Variants in ZKSCAN8 observed in about 807,000 individuals in gnomAD.
The protein encoded by ZKSCAN8 is zinc finger with KRAB and SCAN domains 8.
In ZKSCAN8, 27 loss-of-function variants were observed where a neutral mutation model predicts 57.2. The observed-to-expected ratio is 0.47, with a 90% CI of 0.35 to 0.65. ZKSCAN8 has a LOEUF of 0.65. Among genes scored for constraint, ZKSCAN8 ranks in the 30% least tolerant of loss-of-function variants. The probability of loss-of-function intolerance (pLI) is 0.01; values close to 1 mark genes in which losing one functional copy is unlikely to be tolerated. For missense variants in ZKSCAN8, 597 were observed against 696.3 expected (o/e 0.86, Z 1.60); for synonymous variants, 214 against 248.7 (o/e 0.86, Z 1.31).
intron 1 of ZKSCAN8, among the ~76,000 whole-genome samples, chr6:28,143,742 C>A (rs1426435846): frequency 6.6e-6 from 1 of 152,042 alleles, no homozygotes; most frequent in African/African-American, 2.4e-5. Context: ...AATTTATGTC[C>A]CATGTATTGA....
chr6:28,150,027 G>A (rs528250927), intron 3 of ZKSCAN8, among the ~76,000 whole-genome samples: 14 of 75,122 alleles, frequency 1.9e-4, no homozygotes, highest in African/African-American at 8.9e-4. Context: ...TTCCTCAGAC[G>A]AGCATTTCTT....
rs1765658082 is a variant in ZKSCAN8 at position 28,153,230 on chromosome 6, C to T, written c.950C>T (p.Thr317Ile). ...TTAGAGAGGCAGCGGGGAAATCCCA[C>T]ACAAGAGAGACGACATAAATGTGAT... Reference protein sequence around the residue: ...GRLERQRGNPTQERRHKCDEC... With the variant: ...GRLERQRGNPIQERRHKCDEC... The change falls in exon 6 of 6, where the codon ACA (threonine) becomes ATA (isoleucine). Residue 317 changes from threonine to isoleucine, a missense_variant. Physicochemically the swap from Thr to Ile is moderately conservative, Grantham distance 89. Coordinates refer to ENST00000330236, the MANE Select transcript of ZKSCAN8 (RefSeq NM_006298.4). The T allele has an allele frequency of 6.2e-7, 1 of 1,614,086 alleles. No individual in the cohort carries two copies. Among genetic ancestry groups the T allele is most frequent in the Non-Finnish European group, 8.5e-7 (1 of 1,180,038 alleles).
Position 28,151,852 on chromosome 6 carries a change from T to C in ZKSCAN8, c.567T>C (p.Ser189=), listed in dbSNP as rs1167016834. 1.2e-6 allele frequency: 2 copies of C among 1,614,132 alleles called. No homozygotes were observed. The highest frequency in any genetic ancestry group is 1.7e-6 in the Non-Finnish European group (2 of 1,179,944). Residue 189 remains serine (S), a synonymous_variant, in exon 4 of 6, where the codon TCT becomes TCC. Coordinates refer to ENST00000330236, the MANE Select transcript of ZKSCAN8 (RefSeq NM_006298.4). Reference sequence around the variant, plus strand: ...GCTCCTTTCTCCTCTCAGCCATGTCTACTTCCCAGAGTCCTACTCGTTCCC... The same window carrying C: ...GCTCCTTTCTCCTCTCAGCCATGTCCACTTCCCAGAGTCCTACTCGTTCCC... ...VPQESQERAM[S]TSQSPTRSQK... is the part of the protein sequence containing the mutation.
chr6:28,149,022 C>T (rs1287548858), intron 2 of ZKSCAN8, among the ~76,000 whole-genome samples, 198 bp downstream of exon 2: 1 of 152,142 alleles, frequency 6.6e-6, no homozygotes, highest in Non-Finnish European at 1.5e-5. Context: ...TTTTTGTCGT[C>T]ATAACATCCC....
In ZKSCAN8 at chr6:28,158,134, C is replaced by G. The variant is rs886816253; in HGVS notation, c.*4117C>G. 2 of 151,654 alleles carry G rather than the reference C, an allele frequency of 1.3e-5. No individual in the cohort carries two copies. The highest frequency in any genetic ancestry group is 6.6e-5 in the Admixed American group (1 of 15,202). The allele number at this position is 151,654 out of a possible 1,614,324, so 9.4% of individuals were successfully genotyped here. ...GCCTTTTTTTATTATTATTTCTTGT[C>G]TTTTTTGATCTAATTTATATTTTAT... On this transcript the variant is annotated 3_prime_UTR_variant, in exon 6 of 6. Transcript: ENST00000330236.
At position 28,150,832 on chromosome 6, in the gene ZKSCAN8, A is replaced by G. The variant is rs373666193; in HGVS notation, c.560-1013A>G. 1.6e-4 allele frequency among the ~76,000 whole-genome samples: 24 copies of G among 152,204 alleles called. No individual in the cohort carries two copies. In the South Asian group the frequency reaches 1.9e-3, roughly 12 times the overall value. On this transcript the variant is annotated intron_variant, in intron 3 of 5. Coordinates refer to ENST00000330236, the MANE Select transcript of ZKSCAN8 (RefSeq NM_006298.4). ...TGTTTTTGTTTTGTCTTTGAGACAG[A>G]GTCTCACTCTGTCATCCAGGCTGGA...
chr6:28,148,971 A>G (rs2113585119), intron 2 of ZKSCAN8, 147 bp downstream of exon 2: 2 of 962,444 alleles, frequency 2.1e-6, no homozygotes, highest in East Asian at 2.6e-5. Context: ...TATGACTTGT[A>G]GAGTTCTTTT....
At position 28,159,196 on chromosome 6, in the gene ZKSCAN8, C is replaced by T. The variant is rs1437369673; in HGVS notation, c.*5179C>T. 3 of 152,250 alleles carry T rather than the reference C, an allele frequency of 2.0e-5. No individual in the cohort carries two copies. The highest frequency in any genetic ancestry group is 7.2e-5 in the African/African-American group (3 of 41,454). 9.4% of individuals were successfully genotyped at this position (152,250 alleles called of 1,614,324 possible). A position where few individuals can be genotyped will look rare whatever the true frequency, so the allele number is the denominator to read the frequency against. ...GAGCTCTCCCTGATTGACATCACCT[C>T]ATGCGATGACCTCCCTCATTCTGTG... On this transcript the variant is annotated 3_prime_UTR_variant, in exon 6 of 6. Coordinates refer to ENST00000330236, the MANE Select transcript of ZKSCAN8 (RefSeq NM_006298.4).
rs1765489455 is a variant in ZKSCAN8 at position 28,148,727 on chromosome 6, T to C, written c.320T>C (p.Leu107Pro). The C allele has an allele frequency of 1.2e-6, 2 of 1,614,018 alleles. No homozygotes were observed. The highest frequency in any genetic ancestry group is 1.1e-5 in the South Asian group (1 of 91,088). ...EQFLTILPEE[L>P]QTLVKEHQLE... ...TTCTTGACCATCCTACCTGAGGAGC[T>C]CCAGACACTGGTTAAGGAACATCAG... The change falls in exon 2 of 6, where the codon CTC becomes CCC. Residue 107 changes from leucine (L) to proline (P), a missense_variant. Transcript: ENST00000330236.
chr6:28,150,722 T>C (rs1226780679), intron 3 of ZKSCAN8, among the ~76,000 whole-genome samples: 4 of 152,200 alleles, frequency 2.6e-5, no homozygotes, highest in South Asian at 4.1e-4. Flanking sequence ...GAGTGCTCCC[T>C]TCTCCCAATT....
Position 28,154,141 on chromosome 6 carries a change from G to A in ZKSCAN8, c.*124G>A. ...AACTTTAGTGTCAGAATCTATAGTG[G>A]TGGCAAAGTTAGGATAGCTCTTTAG... On this transcript the variant is annotated 3_prime_UTR_variant, in exon 6 of 6. Transcript: ENST00000330236. The A allele has an allele frequency of 7.1e-7, 1 of 1,411,704 alleles. No homozygotes were observed. Among genetic ancestry groups the A allele is most frequent in the South Asian group, 1.5e-5 (1 of 68,178 alleles). 87.4% of individuals were successfully genotyped at this position (1,411,704 alleles called of 1,614,324 possible).
In ZKSCAN8 at chr6:28,153,119, A is replaced by G; in HGVS notation, c.839A>G (p.Gln280Arg). ...ASKQVISTGIQPHGETAAKCN... is the reference protein window; with the variant it reads ...ASKQVISTGIRPHGETAAKCN... ...AAACAGGTAATATCTACTGGAATCCAGCCACATGGAGAGACAGCTGCCAAA... is the reference window on the plus strand; with the variant it reads ...AAACAGGTAATATCTACTGGAATCCGGCCACATGGAGAGACAGCTGCCAAA... The change falls in exon 6 of 6, where the codon CAG becomes CGG. Residue 280 changes from glutamine to arginine, a missense_variant. Gln to Arg is a conservative substitution (Grantham distance 43). Transcript: ENST00000330236. 2 of 1,614,232 alleles carry G rather than the reference A, an allele frequency of 1.2e-6. No individual in the cohort carries two copies. Among genetic ancestry groups the G allele is most frequent in the Non-Finnish European group, 8.5e-7 (1 of 1,180,046 alleles).
chr6:28,156,259 T>C lies in ZKSCAN8; in HGVS notation c.*2242T>C, dbSNP rs538311456. The C allele has an allele frequency of 2.0e-5, 8 of 398,276 alleles. 1 individual carries two copies. The highest frequency in any genetic ancestry group is 1.4e-4 in the African/African-American group (7 of 48,728). The allele number at this position is 398,276 out of a possible 1,614,324, so 24.7% of individuals were successfully genotyped here. A position where few individuals can be genotyped will look rare whatever the true frequency, so the allele number is the denominator to read the frequency against. ...AAAGTCCTTTTAGCAATGCAACATA[T>C]TAACAAAATTGGGTGCATTCAGGGT... On this transcript the variant is annotated 3_prime_UTR_variant, in exon 6 of 6. Transcript: ENST00000330236.
rs1242753385 is a variant in ZKSCAN8, at chr6:28,157,437, A to T, written c.*3420A>T. 1 of 152,172 alleles carries T rather than the reference A, an allele frequency of 6.6e-6. No individual in the cohort carries two copies. Among genetic ancestry groups the T allele is most frequent in the Admixed American group, 6.5e-5 (1 of 15,268 alleles). The allele number at this position is 152,172 out of a possible 1,614,324, so 9.4% of individuals were successfully genotyped here. On this transcript the variant is annotated 3_prime_UTR_variant, in exon 6 of 6. Coordinates refer to ENST00000330236, the MANE Select transcript of ZKSCAN8 (RefSeq NM_006298.4). Reference sequence around the variant, plus strand: ...AAATGAGGAAACGGAGGCTTAGTTGAGTGAGCTGACCAATATCACCCAGCC... The same window carrying T: ...AAATGAGGAAACGGAGGCTTAGTTGTGTGAGCTGACCAATATCACCCAGCC...
Position 28,155,840 on chromosome 6 carries a change from C to A in ZKSCAN8, c.*1823C>A. ...CTAACAACATCAGAATTATCTACAT[C>A]AATTTCATTGAGCCATTGGTGAATG... On this transcript the variant is annotated 3_prime_UTR_variant, in exon 6 of 6. Transcript: ENST00000330236. 3.6e-6 allele frequency: 1 copy of A among 274,142 alleles called. No individual in the cohort carries two copies. The allele number at this position is 274,142 out of a possible 1,614,324, so 17.0% of individuals were successfully genotyped here. A position where few individuals can be genotyped will look rare whatever the true frequency, so the allele number is the denominator to read the frequency against.
Position 28,148,587 on chromosome 6 carries a change from G to A in ZKSCAN8, c.180G>A (p.Gln60=). 1 of 1,614,134 alleles carries A rather than the reference G, an allele frequency of 6.2e-7. No homozygotes were observed. The highest frequency in any genetic ancestry group is 1.6e-4 in the Middle Eastern group (1 of 6,062). The change falls in exon 2 of 6, where the codon CAG becomes CAA. Residue 60 remains glutamine (Q), a synonymous_variant. Coordinates refer to ENST00000330236, the MANE Select transcript of ZKSCAN8 (RefSeq NM_006298.4). The part of the protein sequence containing the change: ...FRLRFRQLRY[Q]ETLGPREALI... ...TGCGCTTCAGGCAGTTACGCTACCAGGAGACACTAGGACCCCGAGAAGCTC... is the reference window on the plus strand; with the variant it reads ...TGCGCTTCAGGCAGTTACGCTACCAAGAGACACTAGGACCCCGAGAAGCTC...
At position 28,157,666 on chromosome 6, in the gene ZKSCAN8, T is replaced by G. The variant is rs757075462; in HGVS notation, c.*3649T>G. 10 of 152,198 alleles carry G rather than the reference T, an allele frequency of 6.6e-5. No individual in the cohort carries two copies. The highest frequency in any genetic ancestry group is 1.5e-4 in the Non-Finnish European group (10 of 68,044). 9.4% of individuals were successfully genotyped at this position (152,198 alleles called of 1,614,324 possible). On this transcript the variant is annotated 3_prime_UTR_variant, in exon 6 of 6. Transcript: ENST00000330236. Reference sequence around the variant, plus strand: ...TTACTGGAAAATTGGTGGAAAATGCTTTTTGGGGTTACAATTATATCATTT... The same window carrying G: ...TTACTGGAAAATTGGTGGAAAATGCGTTTTGGGGTTACAATTATATCATTT...
chr6:28,152,786 C>T (rs1347652865), intron 5 of ZKSCAN8, among the ~76,000 whole-genome samples: 2 of 152,154 alleles, frequency 1.3e-5, no homozygotes, highest in Non-Finnish European at 2.9e-5. Flanking sequence ...ATTCCTCTCC[C>T]CAACTTTCAC....
Position 28,158,546 on chromosome 6 carries a change from A to G in ZKSCAN8, c.*4529A>G, listed in dbSNP as rs939691817. 6.6e-6 allele frequency: 1 copy of G among 152,120 alleles called. No homozygotes were observed. The highest frequency in any genetic ancestry group is 2.4e-5 in the African/African-American group (1 of 41,406). 9.4% of individuals were successfully genotyped at this position (152,120 alleles called of 1,614,324 possible). On this transcript the variant is annotated 3_prime_UTR_variant, in exon 6 of 6. Transcript: ENST00000330236. Reference sequence around the variant, plus strand: ...GTCACCACCTTTATATTTTTACCCCAGCCTTGGAGTTATCTTTTTCTGCTC... The same window carrying G: ...GTCACCACCTTTATATTTTTACCCCGGCCTTGGAGTTATCTTTTTCTGCTC...
Sources: allele counts gnomAD v4.1 joint callset (sites outside exome capture counted in the v4.1 genomes callset), GRCh38; gene constraint gnomAD v4.1.1; transcripts MANE v1.5; gene names NCBI Gene and HGNC (gene_info 2026-07-23, HGNC 2026-07-21).